Variants in ZNF610 observed in about 807,000 individuals in gnomAD.
ZNF610 encodes zink finger protein.
In ZNF610, 14 loss-of-function variants were observed where a neutral mutation model predicts 14.1. That is an observed-to-expected ratio of 0.99 (90% confidence interval 0.65 to 1.55). The LOEUF (loss-of-function observed/expected upper bound fraction) is 1.55. ZNF610 is among the 40% of genes most tolerant of loss of function. The probability of loss-of-function intolerance (pLI) is 0.00; values close to 1 mark genes in which losing one functional copy is unlikely to be tolerated. For synonymous variants in ZNF610, 185 were observed against 187.6 expected, an observed-to-expected ratio of 0.99 and a Z score of 0.11; for missense variants, 530 against 558.0, an observed-to-expected ratio of 0.95 and a Z score of 0.51.
rs1986128262 is a variant in ZNF610 at position 52,366,920 on chromosome 19, C to CA, written c.*156dup. ...TGATCCACACTGAAAGGAAACCCTA[C>CA]AAATGTAAAGTTAATAACATATATA... On this transcript the variant is annotated 3_prime_UTR_variant, in exon 6 of 6. Transcript: ENST00000403906. The CA allele has an allele frequency of 1.6e-6, 1 of 608,408 alleles. No individual in the cohort carries two copies. The allele number at this position is 608,408 out of a possible 1,614,324, so 37.7% of individuals were successfully genotyped here.
intron 4 of ZNF610, 134 bp downstream of exon 4, chr19:52,353,942 A>G (rs1276345259): frequency 6.6e-6 from 8 of 1,208,842 alleles, no homozygotes; most frequent in Middle Eastern, 2.0e-4. Context: ...GAAAAGCTCT[A>G]TTATGCTCTC....
intron 5 of ZNF610, among the ~76,000 whole-genome samples, chr19:52,356,212 TC>T (rs1344915587): frequency 6.6e-6 from 1 of 152,202 alleles, no homozygotes; most frequent in Non-Finnish European, 1.5e-5. Flanking sequence ...TTGTGCTTCA[TC>T]CACACTTTAC....
At position 52,366,038 on chromosome 19, in the gene ZNF610, TAACCATCAAGTA is replaced by T. The variant is rs781334675; in HGVS notation, c.662_673del (p.Asn221_Val224del). 1 of 1,614,100 alleles carries T rather than the reference TAACCATCAAGTA, an allele frequency of 6.2e-7. No homozygotes were observed. Among genetic ancestry groups the T allele is most frequent in the Admixed American group, 1.7e-5 (1 of 60,012 alleles). On this transcript the variant is annotated inframe_deletion, in exon 6 of 6. Coordinates refer to ENST00000403906, the MANE Select transcript of ZNF610 (RefSeq NM_001161425.2). ...TTTTTAGAGTCCGTGCAAGCCTTAC[TAACCATCAAGTA>T]ATCCATACTGCAGAGAAACCTTACA...
the ZNF610 span, among the ~76,000 whole-genome samples, chr19:52,331,126 A>G: frequency 5.9e-5 from 9 of 152,324 alleles, no homozygotes; most frequent in East Asian, 1.7e-3. Context: ...GAGGATTTTT[A>G]TAGCTGAGAA....
At chr19:52,344,596 G>T (rs954007356) in intron 1 of ZNF610, among the ~76,000 whole-genome samples, 2 of 152,160 alleles carry the variant, frequency 1.3e-5, no homozygotes, top group Non-Finnish European at 2.9e-5. Context: ...CAATACTCAG[G>T]TGGAGGCCAG....
At chr19:52,350,087 G>A (rs535334917) in intron 3 of ZNF610, among the ~76,000 whole-genome samples, 1 of 152,154 alleles carries the variant, frequency 6.6e-6, no homozygotes, top group Admixed American at 6.5e-5. Context: ...TACAGCATCT[G>A]TGTTAGGTGA....
chr19:52,357,549 C>G (rs1201945306), intron 5 of ZNF610, among the ~76,000 whole-genome samples: 5 of 147,992 alleles, frequency 3.4e-5, no homozygotes, highest in African/African-American at 1.0e-4. Context: ...GGAGGCTGAG[C>G]CCGGAGAATG....
chr19:52,364,506 C>T (rs921786532), intron 5 of ZNF610, among the ~76,000 whole-genome samples: 2 of 152,120 alleles, frequency 1.3e-5, no homozygotes, highest in African/African-American at 4.8e-5. Flanking sequence ...TATTCAGGAA[C>T]GTGTAAATTT....
At chr19:52,358,207 C>T (rs555826468) in intron 5 of ZNF610, among the ~76,000 whole-genome samples, 27 of 152,078 alleles carry the variant, frequency 1.8e-4, no homozygotes, top group South Asian at 1.5e-3. Flanking sequence ...TTTTTTGAGA[C>T]GGAGTCCCAC....
intron 5 of ZNF610, among the ~76,000 whole-genome samples, chr19:52,357,194 C>A (rs1037343759): frequency 6.6e-6 from 1 of 152,136 alleles, no homozygotes; most frequent in Admixed American, 6.5e-5. Flanking sequence ...ACATACTTAA[C>A]ATTTACAGGG....
chr19:52,366,595 A>G lies in ZNF610; in HGVS notation c.1217A>G (p.Asp406Gly), dbSNP rs866583603. The G allele has an allele frequency of 6.2e-7, 1 of 1,614,078 alleles. No homozygotes were observed. Among genetic ancestry groups the G allele is most frequent in the African/African-American group, 1.3e-5 (1 of 74,924 alleles). Residue 406 changes from aspartate (D) to glycine (G), a missense_variant, in exon 6 of 6, where the codon GAC (aspartate) becomes GGC (glycine). Coordinates refer to ENST00000403906, the MANE Select transcript of ZNF610 (RefSeq NM_001161425.2). Reference sequence around the variant, plus strand: ...AAACCTTACAAATGTAATGAATGTGACAAAGTCTTTGGGCGCAAATTATAC... The same window carrying G: ...AAACCTTACAAATGTAATGAATGTGGCAAAGTCTTTGGGCGCAAATTATAC... ...GEKPYKCNECDKVFGRKLYLT... is the reference protein window; with the variant it reads ...GEKPYKCNECGKVFGRKLYLT...
At position 52,353,740 on chromosome 19, in the gene ZNF610, T is replaced by C; in HGVS notation, c.122T>C (p.Leu41Pro). 1.2e-6 allele frequency: 2 copies of C among 1,613,986 alleles called. No individual in the cohort carries two copies. Among genetic ancestry groups the C allele is most frequent in the South Asian group, 1.1e-5 (1 of 91,044 alleles). The change falls in exon 4 of 6, where the codon CTG (leucine) becomes CCG (proline). Residue 41 changes from leucine to proline, a missense_variant. Leu to Pro is a moderately conservative substitution (Grantham distance 98). Transcript: ENST00000403906. ...TTCTCTCAGGAGGAGTGGAAATCCCTGGACCCTGGACAGAGGGCTTTATAC... is the reference window on the plus strand; with the variant it reads ...TTCTCTCAGGAGGAGTGGAAATCCCCGGACCCTGGACAGAGGGCTTTATAC... ...IEFSQEEWKSLDPGQRALYRD... is the reference protein window; with the variant it reads ...IEFSQEEWKSPDPGQRALYRD...
At chr19:52,338,872 A>G (rs1200912115) in intron 1 of ZNF610, among the ~76,000 whole-genome samples, 1 of 152,098 alleles carries the variant, frequency 6.6e-6, no homozygotes, top group Non-Finnish European at 1.5e-5. Context: ...AGCAAAGTAC[A>G]GAGAAAGAAA....
At chr19:52,335,383 A>G (rs1984329397), upstream of ZNF610, among the ~76,000 whole-genome samples, 1 of 152,200 alleles carries the variant, frequency 6.6e-6, no homozygotes, top group African/African-American at 2.4e-5. Flanking sequence ...TTTAACACAC[A>G]GGGAAGCGAC....
chr19:52,359,687 T>C (rs1985688886), intron 5 of ZNF610, among the ~76,000 whole-genome samples: 1 of 152,178 alleles, frequency 6.6e-6, no homozygotes, highest in Non-Finnish European at 1.5e-5. Context: ...AGGAGTTTTT[T>C]CCCACACATC....
chr19:52,365,886 A>G lies in ZNF610; in HGVS notation c.508A>G (p.Ser170Gly). ...TTCACCACTTCAAAAAATTTCTTCT[A>G]GTTTCACAACACACATTTTTAATAA... ...SVSPLQKISSSFTTHIFNKYR... is the reference protein window; with the variant it reads ...SVSPLQKISSGFTTHIFNKYR... The change falls in exon 6 of 6, where the codon AGT becomes GGT. Residue 170 changes from serine to glycine, a missense_variant. Transcript: ENST00000403906. The G allele has an allele frequency of 6.2e-7, 1 of 1,613,316 alleles. No homozygotes were observed.
In ZNF610 at chr19:52,366,010, A is replaced by G; in HGVS notation, c.632A>G (p.Glu211Gly). 6.2e-7 allele frequency: 1 copy of G among 1,614,176 alleles called. No homozygotes were observed. ...GAATATGAATGTAGTGAAGATGGTG[A>G]AGTTTTTAGAGTCCGTGCAAGCCTT... ...SYEYECSEDG[E>G]VFRVRASLTN... Residue 211 changes from glutamate to glycine, a missense_variant, in exon 6 of 6, where the codon GAA becomes GGA. Glu to Gly is a moderately conservative substitution (Grantham distance 98, BLOSUM62 -2). Transcript: ENST00000403906.
chr19:52,361,220 C>T (rs1357170159), intron 5 of ZNF610, among the ~76,000 whole-genome samples: 1 of 151,134 alleles, frequency 6.6e-6, no homozygotes, highest in Non-Finnish European at 1.5e-5. Context: ...CTCTTGTTGC[C>T]CAGGCTGGAG....
At chr19:52,362,585 T>C (rs1985835305) in intron 5 of ZNF610, among the ~76,000 whole-genome samples, 1 of 152,236 alleles carries the variant, frequency 6.6e-6, no homozygotes, top group African/African-American at 2.4e-5. Context: ...CACACATTTT[T>C]GTTGCATTTT....
Sources: allele counts gnomAD v4.1 joint callset (sites outside exome capture counted in the v4.1 genomes callset), GRCh38; gene constraint gnomAD v4.1.1; transcripts MANE v1.5; gene names NCBI Gene and HGNC (gene_info 2026-07-23, HGNC 2026-07-21).